Variants in CNTNAP5 observed in about 807,000 individuals in gnomAD.
CNTNAP5 encodes contactin associated protein family member 5.
CNTNAP5 carries 72 observed loss-of-function variants against 150.2 expected under a neutral mutation model. That is an observed-to-expected ratio of 0.48 (90% CI 0.40 to 0.58). CNTNAP5 has a LOEUF of 0.58. Among genes scored for constraint, CNTNAP5 ranks in the 20% least tolerant of loss-of-function variants. CNTNAP5 has a pLI of 0.00. For synonymous variants in CNTNAP5, 672 were observed against 619.8 expected (o/e 1.08, Z -1.25); for missense variants, 1,636 against 1,626.2 (o/e 1.01, Z -0.10).
intron 1 of CNTNAP5, among the ~76,000 whole-genome samples, chr2:124,029,824 G>C (rs55884204): frequency 0.21 from 31,279 of 151,944 alleles, 3,364 homozygotes; most frequent in East Asian, 0.4. Flanking sequence ...TCTTCGAGTT[G>C]ATAAGCCAGA....
chr2:124,840,325 G>C (rs565472327), intron 19 of CNTNAP5, among the ~76,000 whole-genome samples: 1 of 152,158 alleles, frequency 6.6e-6, no homozygotes, highest in Admixed American at 6.5e-5. Context: ...CAGTGGGAAG[G>C]CTTGGGCATT....
At chr2:124,490,864 TA>T (rs948858338) in intron 7 of CNTNAP5, among the ~76,000 whole-genome samples, 235 of 152,208 alleles carry the variant, frequency 1.5e-3, no homozygotes, top group African/African-American at 5.1e-3. Flanking sequence ...TACTCTGTTT[TA>T]AAAAAAATTT....
intron 3 of CNTNAP5, among the ~76,000 whole-genome samples, chr2:124,330,928 A>G (rs1689335684): frequency 6.6e-6 from 1 of 152,138 alleles, no homozygotes; most frequent in Non-Finnish European, 1.5e-5. Context: ...ATAACCTCTC[A>G]TTAGTTTAGT....
chr2:124,523,822 T>C (rs948932407), intron 8 of CNTNAP5, among the ~76,000 whole-genome samples: 3 of 152,202 alleles, frequency 2.0e-5, no homozygotes, highest in Non-Finnish European at 2.9e-5. Context: ...GGCACATCAT[T>C]GGAATCTAGC....
At chr2:124,437,880 G>A (rs1558902049) in intron 5 of CNTNAP5, among the ~76,000 whole-genome samples, 1 of 152,140 alleles carries the variant, frequency 6.6e-6, no homozygotes, top group Non-Finnish European at 1.5e-5. Flanking sequence ...TCCCTCTCCA[G>A]TTTATATGGA....
At chr2:124,229,471 C>G (rs566725789) in intron 2 of CNTNAP5, among the ~76,000 whole-genome samples, 1 of 152,110 alleles carries the variant, frequency 6.6e-6, no homozygotes, top group Non-Finnish European at 1.5e-5. Flanking sequence ...AACACTTCAG[C>G]CTTCATCTCA....
At chr2:124,450,835 G>C (rs1692950494) in intron 6 of CNTNAP5, among the ~76,000 whole-genome samples, 1 of 150,782 alleles carries the variant, frequency 6.6e-6, no homozygotes, top group African/African-American at 2.4e-5. Flanking sequence ...TAGCTATTTT[G>C]TAAGCTCTTA....
intron 6 of CNTNAP5, among the ~76,000 whole-genome samples, chr2:124,449,299 C>T (rs1425868231): frequency 6.6e-6 from 1 of 152,106 alleles, no homozygotes; most frequent in Non-Finnish European, 1.5e-5. Flanking sequence ...AGAAAGAACA[C>T]ACTCAATATT....
intron 13 of CNTNAP5, among the ~76,000 whole-genome samples, chr2:124,653,124 C>A (rs1678357136): frequency 6.6e-6 from 1 of 152,156 alleles, no homozygotes; most frequent in Non-Finnish European, 1.5e-5. Context: ...TGTTTACCTA[C>A]CAGTAACATG....
intron 21 of CNTNAP5, among the ~76,000 whole-genome samples, chr2:124,873,806 A>T (rs180767059): frequency 6.6e-6 from 1 of 152,126 alleles, no homozygotes; most frequent in Admixed American, 6.6e-5. Context: ...AACACTAGAA[A>T]GCATTTTTCA....
intron 7 of CNTNAP5, among the ~76,000 whole-genome samples, chr2:124,485,739 A>C (rs1332369192): frequency 6.6e-6 from 1 of 151,868 alleles, no homozygotes; most frequent in East Asian, 1.9e-4. Context: ...CTGTGGGGAG[A>C]CTGAAGCTGG....
chr2:124,831,362 T>A (rs924465881), intron 19 of CNTNAP5, among the ~76,000 whole-genome samples: 16 of 151,874 alleles, frequency 1.1e-4, no homozygotes, highest in Non-Finnish European at 2.1e-4. Flanking sequence ...GAATACATCA[T>A]CATATCCATT....
At chr2:124,033,919 A>G (rs957093141) in intron 1 of CNTNAP5, among the ~76,000 whole-genome samples, 1 of 150,064 alleles carries the variant, frequency 6.7e-6, no homozygotes, top group Non-Finnish European at 1.5e-5. Flanking sequence ...CTTTTCCAGA[A>G]AAAAAAAAAA....
chr2:124,681,016 G>C (rs1301408019), intron 13 of CNTNAP5: 2 of 151,714 alleles, frequency 1.3e-5, no homozygotes, highest in East Asian at 3.9e-4. Flanking sequence ...CCGGGTGCGG[G>C]GCTCATGCCT....
chr2:124,373,366 C>T (rs1690575105), intron 3 of CNTNAP5, among the ~76,000 whole-genome samples: 1 of 151,782 alleles, frequency 6.6e-6, no homozygotes, highest in African/African-American at 2.4e-5. Context: ...TCAGGATTTC[C>T]CTAAAGGGGA....
At chr2:124,309,816 T>A (rs1054925912) in intron 3 of CNTNAP5, among the ~76,000 whole-genome samples, 2 of 152,226 alleles carry the variant, frequency 1.3e-5, no homozygotes, top group African/African-American at 4.8e-5. Flanking sequence ...GGGCTCTGCA[T>A]AGAATCAACA....
At chr2:124,064,465 A>G (rs998102597) in intron 1 of CNTNAP5, among the ~76,000 whole-genome samples, 7 of 151,980 alleles carry the variant, frequency 4.6e-5, no homozygotes, top group Non-Finnish European at 1.0e-4. Flanking sequence ...CTCCATTTCT[A>G]TTAACACCAA....
intron 1 of CNTNAP5, among the ~76,000 whole-genome samples, chr2:124,116,768 A>G (rs1683439736): frequency 6.6e-6 from 1 of 152,214 alleles, no homozygotes; most frequent in African/African-American, 2.4e-5. Flanking sequence ...AGGAGTGGAC[A>G]TCCTTCATGA....
intron 1 of CNTNAP5, among the ~76,000 whole-genome samples, chr2:124,195,505 G>C (rs1685560981): frequency 6.6e-6 from 1 of 152,134 alleles, no homozygotes; most frequent in Non-Finnish European, 1.5e-5. Context: ...GGACATGGCT[G>C]TGATCTAACA....
Sources: allele counts gnomAD v4.1 joint callset (sites outside exome capture counted in the v4.1 genomes callset), GRCh38; gene constraint gnomAD v4.1.1; transcripts MANE v1.5; gene names NCBI Gene and HGNC (gene_info 2026-07-23, HGNC 2026-07-21).